VPS39: variants seen among roughly 807,000 people sequenced by gnomAD.
VPS39 encodes VPS39 subunit of HOPS complex.
In VPS39, 70 loss-of-function variants were observed where a neutral mutation model predicts 121.0. That is an observed-to-expected ratio of 0.58 (90% CI 0.48 to 0.71). VPS39 has a LOEUF of 0.71. VPS39 is among the 30% of genes least tolerant of loss of function. The pLI is 0.00. For synonymous variants in VPS39, 378 were observed against 398.1 expected (o/e 0.95, Z 0.60); for missense variants, 818 against 1,051.5 (o/e 0.78, Z 3.07).
In VPS39 at chr15:42,159,055, G is replaced by A. The variant is rs2049077960; in HGVS notation, c.*1699C>T. On this transcript the variant is annotated 3_prime_UTR_variant, in exon 25 of 25. Transcript: ENST00000318006. The stretch of plus-strand genomic sequence containing the variant: ...AAGCAGAGTCCAAGCTGGCCCAGAT[G>A]AGGCCCCGGGCAGCACTGCTTCTGT... 6.6e-6 allele frequency: 1 copy of A among 152,248 alleles called. No homozygotes were observed. The highest frequency in any genetic ancestry group is 1.5e-5 in the Non-Finnish European group (1 of 68,088). 9.4% of individuals were successfully genotyped at this position (152,248 alleles called of 1,614,324 possible).
chr15:42,178,744 T>G, intron 8 of VPS39, 174 bp from the exon 9 acceptor site: 25 of 879,876 alleles, frequency 2.8e-5, no homozygotes, highest in Non-Finnish European at 3.6e-5. Flanking sequence ...AAAATTGGCC[T>G]GTAATCCCAG....
Position 42,192,708 on chromosome 15 carries a change from G to T in VPS39, c.140-1148C>A, listed in dbSNP as rs142976331. Among the ~76,000 whole-genome samples, 428 of 152,218 alleles carry T rather than the reference G, an allele frequency of 2.8e-3. 3 individuals carry two copies. Among genetic ancestry groups the T allele is most frequent in the African/African-American group, 8.9e-3 (369 of 41,534 alleles). Reference sequence around the variant, plus strand: ...TTTCATGAGAAAAAAAAACAATTCAGACACTTCCTACACTTGAAAGCGTCC... The same window carrying T: ...TTTCATGAGAAAAAAAAACAATTCATACACTTCCTACACTTGAAAGCGTCC... On this transcript the variant is annotated intron_variant, in intron 2 of 24. Coordinates refer to ENST00000318006, the MANE Select transcript of VPS39 (RefSeq NM_015289.5).
intron 2 of VPS39, among the ~76,000 whole-genome samples, chr15:42,194,561 C>T (rs1192379553): frequency 1.3e-5 from 2 of 152,098 alleles, no homozygotes; most frequent in African/African-American, 4.8e-5. Context: ...AGAGACAACT[C>T]ATCTTTACAA....
chr15:42,206,104 T>C (rs1288550497), intron 1 of VPS39, among the ~76,000 whole-genome samples: 5 of 152,184 alleles, frequency 3.3e-5, no homozygotes, highest in East Asian at 1.9e-4. Flanking sequence ...TATACAACTT[T>C]GGAGTTTAGA....
chr15:42,192,102 T>C (rs2049840727), intron 2 of VPS39: 1 of 1,536,174 alleles, frequency 6.5e-7, no homozygotes, highest in Non-Finnish European at 8.7e-7. Context: ...GCTGGCACTG[T>C]TACAAAAAAG....
intron 2 of VPS39, among the ~76,000 whole-genome samples, chr15:42,192,937 G>A (rs1306860638): frequency 6.6e-6 from 1 of 151,956 alleles, no homozygotes; most frequent in Non-Finnish European, 1.5e-5. Context: ...GTGCCACCAT[G>A]CCCGGCTAAT....
chr15:42,193,394 A>C (rs991547046), intron 2 of VPS39, among the ~76,000 whole-genome samples: 1 of 152,178 alleles, frequency 6.6e-6, no homozygotes, highest in Non-Finnish European at 1.5e-5. Context: ...TGAAAAGGGA[A>C]AAGTACTTTA....
intron 1 of VPS39, among the ~76,000 whole-genome samples, chr15:42,201,473 C>A (rs1021748030): frequency 2.6e-5 from 4 of 152,170 alleles, no homozygotes; most frequent in African/African-American, 4.8e-5. Context: ...CTGTGCCCAG[C>A]CAAATTGTAC....
rs111481236 is a variant in VPS39, at chr15:42,178,806, G to A, written c.719-236C>T. On this transcript the variant is annotated intron_variant, in intron 8 of 24. Coordinates refer to ENST00000318006, the MANE Select transcript of VPS39 (RefSeq NM_015289.5). Reference sequence around the variant, plus strand: ...TCACGTAGGCCGGAAGTTTGAGACCGACCTAGGCATCTTAGTGAGACACTG... The same window carrying A: ...TCACGTAGGCCGGAAGTTTGAGACCAACCTAGGCATCTTAGTGAGACACTG... 1.6e-3 allele frequency: 753 copies of A among 481,962 alleles called. 7 individuals are homozygous for A. Among genetic ancestry groups the A allele is most frequent in the African/African-American group, 0.013 (651 of 52,050 alleles). 29.9% of individuals were successfully genotyped at this position (481,962 alleles called of 1,614,324 possible).
chr15:42,203,655 A>C (rs951262529), intron 1 of VPS39, among the ~76,000 whole-genome samples: 1 of 152,106 alleles, frequency 6.6e-6, no homozygotes, highest in Non-Finnish European at 1.5e-5. Flanking sequence ...AAAAAAAATT[A>C]ATTAAAAAAA....
chr15:42,180,782 T>G (rs965241820), intron 8 of VPS39, among the ~76,000 whole-genome samples: 1 of 152,304 alleles, frequency 6.6e-6, no homozygotes, highest in South Asian at 2.1e-4. Context: ...CTATATTCTG[T>G]GCTATATCAA....
intron 19 of VPS39, 122 bp from the exon 20 acceptor site, chr15:42,163,850 T>C (rs1449316882): frequency 4.4e-6 from 3 of 685,912 alleles, no homozygotes; most frequent in Non-Finnish European, 4.8e-6. Flanking sequence ...TTCTTATTGC[T>C]TGGGTTTTTC....
intron 11 of VPS39, among the ~76,000 whole-genome samples, chr15:42,172,754 A>T (rs1422869315): frequency 1.3e-5 from 2 of 152,128 alleles, no homozygotes; most frequent in African/African-American, 4.8e-5. Context: ...GTTTCCATCT[A>T]TTCCCCAGCC....
chr15:42,163,797 C>T (rs2049188422), intron 19 of VPS39, 69 bp from the exon 20 acceptor site: 1 of 1,115,196 alleles, frequency 9.0e-7, no homozygotes, highest in East Asian at 2.6e-5. Flanking sequence ...GCTATGCTGT[C>T]AGAGGAGTGG....
rs752026718 is a variant in VPS39, at chr15:42,164,464, T to C, written c.1920A>G (p.Gly640=). 5.6e-6 allele frequency: 9 copies of C among 1,613,856 alleles called. No homozygotes were observed. The African/African-American group carries it at 1.1e-4, about 19-fold the overall frequency. Residue 640 remains glycine, a synonymous_variant, in exon 19 of 25, where the codon GGA becomes GGG. Transcript: ENST00000318006. Reference sequence around the variant, plus strand: ...ATTCTCCCAGCTCACCCTCTTCCTCTCCAGCTGGGACTGGGGTTTTGCCTT... The same window carrying C: ...ATTCTCCCAGCTCACCCTCTTCCTCCCCAGCTGGGACTGGGGTTTTGCCTT... ...FPAGKTPVPA[G]EEEGELGEYR...
intron 10 of VPS39, among the ~76,000 whole-genome samples, chr15:42,175,116 T>C (rs2049422940): frequency 6.6e-6 from 1 of 151,848 alleles, no homozygotes; most frequent in Admixed American, 6.6e-5. Flanking sequence ...ACTCAAGGAA[T>C]GAAAAACATC....
intron 24 of VPS39, chr15:42,161,328 A>G (rs2049122133): frequency 2.5e-6 from 1 of 404,840 alleles, no homozygotes; most frequent in Non-Finnish European, 4.7e-6. Flanking sequence ...GTCACAATGC[A>G]GTAGCTTGAA....
chr15:42,191,160 A>T lies in VPS39; in HGVS notation c.212T>A (p.Val71Glu), dbSNP rs767486503. The T allele has an allele frequency of 6.2e-7, 1 of 1,614,192 alleles. No individual in the cohort carries two copies. ...GACCAGAATCTTAAACTGGGAAACC[A>T]CATGGATCTGGAAAATAGGAAATCA... Reference protein sequence around the residue: ...NFSKKIQQIHVVSQFKILVSL... With the variant: ...NFSKKIQQIHEVSQFKILVSL... Residue 71 changes from valine to glutamate, a missense_variant, in exon 4 of 25, where the codon GTG (valine) becomes GAG (glutamate). Val to Glu is a moderately radical substitution (Grantham distance 121, BLOSUM62 -2). Coordinates refer to ENST00000318006, the MANE Select transcript of VPS39 (RefSeq NM_015289.5).
intron 2 of VPS39, among the ~76,000 whole-genome samples, chr15:42,191,809 T>G (rs1027616528): frequency 4.6e-5 from 7 of 152,302 alleles, no homozygotes; most frequent in Non-Finnish European, 8.8e-5. Context: ...CAAAGTTCAC[T>G]GAAGCGGCAA....
Sources: gnomAD v4.1 joint callset for allele counts (sites outside exome capture counted in the v4.1 genomes callset) on GRCh38, gnomAD v4.1.1 for gene constraint, MANE v1.5 for transcripts, NCBI Gene and HGNC (gene_info 2026-07-23, HGNC 2026-07-21) for gene names.